Variants in MSI2 observed in about 807,000 individuals in gnomAD.
MSI2 encodes RNA-binding protein Musashi homolog 2.
Under a neutral mutation model 45.6 loss-of-function variants are expected in MSI2, and 17 were observed. The ratio of observed to expected loss-of-function variants is 0.37; its 90% CI spans 0.26 to 0.56. MSI2 has a LOEUF of 0.56. Among genes scored for constraint, MSI2 ranks in the 20% least tolerant of loss-of-function variants. MSI2 has a pLI of 0.77. For missense variants in MSI2, 293 were observed against 444.2 expected (o/e 0.66, Z 3.06); for synonymous variants, 156 against 158.2 (o/e 0.99, Z 0.11).
At chr17:57,592,463 T>G (rs959504309) in intron 7 of MSI2, among the ~76,000 whole-genome samples, 22 of 152,218 alleles carry the variant, frequency 1.4e-4, no homozygotes, top group Non-Finnish European at 4.4e-5. Context: ...TTCTGTTGCT[T>G]CTTTGCTTTC....
intron 11 of MSI2, among the ~76,000 whole-genome samples, chr17:57,668,632 G>T (rs12603880): frequency 0.15 from 23,373 of 152,084 alleles, 2,222 homozygotes; most frequent in East Asian, 0.41. Context: ...CTCACCATGT[G>T]TCCCGTGCAG....
chr17:57,505,710 G>C (rs139908539), intron 6 of MSI2, among the ~76,000 whole-genome samples: 1 of 152,106 alleles, frequency 6.6e-6, no homozygotes, highest in Non-Finnish European at 1.5e-5. Context: ...TGGTATGGCC[G>C]AGTGCCATCT....
intron 7 of MSI2, among the ~76,000 whole-genome samples, chr17:57,571,400 G>GGAGAT: frequency 6.6e-6 from 1 of 152,302 alleles, no homozygotes; most frequent in Non-Finnish European, 1.5e-5. Flanking sequence ...TGCAGGAAGG[G>GGAGAT]GAGATGCTCT....
At chr17:57,493,043 G>A (rs1350544892) in intron 6 of MSI2, among the ~76,000 whole-genome samples, 1 of 152,198 alleles carries the variant, frequency 6.6e-6, no homozygotes, top group Non-Finnish European at 1.5e-5. Flanking sequence ...CTCTGTGGGT[G>A]CTGAGAAACC....
At chr17:57,653,017 G>T (rs1911289404) in intron 11 of MSI2, among the ~76,000 whole-genome samples, 1 of 152,056 alleles carries the variant, frequency 6.6e-6, no homozygotes, top group Non-Finnish European at 1.5e-5. Context: ...TTGCAGCTCT[G>T]TCCCCCCACG....
At chr17:57,321,335 G>A (rs191724352) in intron 5 of MSI2, among the ~76,000 whole-genome samples, 264 of 152,162 alleles carry the variant, frequency 1.7e-3, no homozygotes, top group African/African-American at 5.9e-3. Flanking sequence ...TGCTTTAGGA[G>A]CCGCCATTTG....
intron 7 of MSI2, among the ~76,000 whole-genome samples, chr17:57,571,583 G>A (rs772934749): frequency 3.9e-5 from 6 of 152,196 alleles, no homozygotes; most frequent in East Asian, 3.8e-4. Context: ...TGTGGTCAAC[G>A]ACAAGGGTCA....
the MSI2 span, among the ~76,000 whole-genome samples, chr17:57,694,186 T>G: frequency 6.6e-6 from 1 of 152,186 alleles, no homozygotes; most frequent in Admixed American, 6.5e-5. Flanking sequence ...AGTTTGCCCC[T>G]TGATGTGGGT....
At chr17:57,392,240 A>G (rs2083807320) in intron 5 of MSI2, among the ~76,000 whole-genome samples, 1 of 152,196 alleles carries the variant, frequency 6.6e-6, no homozygotes, top group Admixed American at 6.5e-5. Context: ...ACTCTCTGAT[A>G]GTAATCTGTG....
At chr17:57,622,257 C>CCTTGCGGCACA (rs1233990564) in intron 9 of MSI2, among the ~76,000 whole-genome samples, 1 of 76,948 alleles carries the variant, frequency 1.3e-5, no homozygotes, top group East Asian at 6.5e-4. Context: ...TTTGCGGCAC[C>CCTTGCGGCACA]GCACCAAGAG....
intron 6 of MSI2, among the ~76,000 whole-genome samples, chr17:57,474,235 C>T (rs749105708): frequency 3.9e-5 from 6 of 152,182 alleles, no homozygotes; most frequent in African/African-American, 1.4e-4. Flanking sequence ...TAGACGTGCT[C>T]ATTTATTCAG....
chr17:57,432,115 A>G (rs1391589162), intron 6 of MSI2, among the ~76,000 whole-genome samples: 2 of 152,152 alleles, frequency 1.3e-5, no homozygotes, highest in East Asian at 1.9e-4. Flanking sequence ...ATTAAGCTTG[A>G]AAAAAATTGA....
chr17:57,662,986 C>G (rs1377143056), intron 11 of MSI2, among the ~76,000 whole-genome samples: 1 of 152,262 alleles, frequency 6.6e-6, no homozygotes, highest in Non-Finnish European at 1.5e-5. Context: ...CCAGAAGAAA[C>G]TAGGCGATGG....
chr17:57,383,730 T>G (rs1334343694), intron 5 of MSI2, among the ~76,000 whole-genome samples: 1 of 152,208 alleles, frequency 6.6e-6, no homozygotes, highest in African/African-American at 2.4e-5. Flanking sequence ...CTCCTGCCTT[T>G]CTAAAGGCAG....
At chr17:57,650,156 A>T (rs1026702820) in intron 10 of MSI2, among the ~76,000 whole-genome samples, 24 of 152,006 alleles carry the variant, frequency 1.6e-4, no homozygotes, top group African/African-American at 5.8e-4. Context: ...AATTCCAGAA[A>T]ATGGACCTTT....
At chr17:57,629,026 C>T (rs1253779527) in intron 10 of MSI2, 4 of 152,370 alleles carry the variant, frequency 2.6e-5, no homozygotes, top group African/African-American at 4.8e-5. Flanking sequence ...GTAGGACCTG[C>T]ATTTGGACCA....
chr17:57,612,703 A>G (rs1261856619), intron 8 of MSI2, among the ~76,000 whole-genome samples: 2 of 152,090 alleles, frequency 1.3e-5, no homozygotes, highest in Admixed American at 6.5e-5. Flanking sequence ...TGTTTAAAAC[A>G]CTCCCATTAC....
chr17:57,563,231 C>T (rs1225405276), intron 7 of MSI2, among the ~76,000 whole-genome samples: 1 of 151,962 alleles, frequency 6.6e-6, no homozygotes, highest in Non-Finnish European at 1.5e-5. Context: ...TACATTGTAC[C>T]CATTAAGTCA....
chr17:57,658,090 G>A (rs1168557134), intron 11 of MSI2, among the ~76,000 whole-genome samples: 3 of 152,184 alleles, frequency 2.0e-5, no homozygotes, highest in Non-Finnish European at 4.4e-5. Context: ...CTGATGGGGG[G>A]CGGAGCGGGG....
Sources: gnomAD v4.1 joint callset for allele counts (sites outside exome capture counted in the v4.1 genomes callset) on GRCh38, gnomAD v4.1.1 for gene constraint, MANE v1.5 for transcripts, NCBI Gene and HGNC (gene_info 2026-07-23, HGNC 2026-07-21) for gene names.